SAXO4: variants seen among roughly 807,000 people sequenced by gnomAD.
SAXO4 encodes protein phosphatase 1 regulatory subunit 32.
At chr11:61,489,831 G>T in the SAXO4 span, 3 of 1,613,908 alleles carry the variant, frequency 1.9e-6, no homozygotes, top group Non-Finnish European at 2.5e-6. Context: ...CTGGACTCGA[G>T]GTGGCATCCA....
the SAXO4 span, among the ~76,000 whole-genome samples, chr11:61,487,988 C>T: frequency 7.5e-6 from 1 of 133,254 alleles, no homozygotes; most frequent in African/African-American, 3.1e-5. Context: ...TCTTCTTCTT[C>T]TTTTTTTTTT....
the SAXO4 span, chr11:61,489,798 C>A: frequency 6.2e-7 from 1 of 1,613,852 alleles, no homozygotes; most frequent in African/African-American, 1.3e-5. Flanking sequence ...TGAGAACATC[C>A]CCAAGGGTCT....
the SAXO4 span, among the ~76,000 whole-genome samples, chr11:61,488,545 C>G: frequency 2.6e-4 from 39 of 152,142 alleles, no homozygotes; most frequent in Non-Finnish European, 7.3e-5. Flanking sequence ...ACCTCGTGAT[C>G]TGCCCGCCTC....
the SAXO4 span, chr11:61,485,941 T>G: frequency 6.6e-7 from 1 of 1,504,900 alleles, no homozygotes; most frequent in Non-Finnish European, 9.2e-7. Context: ...GCTAGAACTT[T>G]AGGGGGCTTG....
the SAXO4 span, among the ~76,000 whole-genome samples, chr11:61,483,393 C>T: frequency 6.6e-6 from 1 of 151,894 alleles, no homozygotes; most frequent in Non-Finnish European, 1.5e-5. Context: ...GTCTCAATCT[C>T]CTGACCTCGT....
At chr11:61,488,367 C>A in the SAXO4 span, among the ~76,000 whole-genome samples, 1 of 142,562 alleles carries the variant, frequency 7.0e-6, no homozygotes, top group Non-Finnish European at 1.5e-5. Flanking sequence ...TGCAGTGGTG[C>A]GATCTCGGCT....
the SAXO4 span, chr11:61,489,739 G>A: frequency 2.5e-6 from 4 of 1,607,574 alleles, no homozygotes; most frequent in Admixed American, 6.7e-5. Context: ...TGCAGAGGTG[G>A]GCAGAGTCCA....
chr11:61,483,732 C>T, the SAXO4 span, among the ~76,000 whole-genome samples: 10 of 150,278 alleles, frequency 6.7e-5, no homozygotes, highest in Middle Eastern at 3.8e-3. Context: ...CTGAAGCAGG[C>T]AGATCACTTG....
At chr11:61,488,301 CTTTT>C in the SAXO4 span, among the ~76,000 whole-genome samples, 1 of 107,408 alleles carries the variant, frequency 9.3e-6, no homozygotes. Flanking sequence ...AGTACAATTC[CTTTT>C]TTTTTTTTTT....
the SAXO4 span, among the ~76,000 whole-genome samples, chr11:61,488,217 C>T: frequency 6.6e-6 from 1 of 151,698 alleles, no homozygotes. Context: ...GAACTCCTGA[C>T]CTCAAGTGAT....
At chr11:61,485,598 G>A in the SAXO4 span, among the ~76,000 whole-genome samples, 12 of 152,132 alleles carry the variant, frequency 7.9e-5, no homozygotes, top group Admixed American at 5.9e-4. Context: ...TGGCTTGGCC[G>A]GTGCATGCCC....
At chr11:61,485,105 G>T in the SAXO4 span, among the ~76,000 whole-genome samples, 1 of 152,148 alleles carries the variant, frequency 6.6e-6, no homozygotes, top group Non-Finnish European at 1.5e-5. Flanking sequence ...TCATTACCAG[G>T]AGTCTGGTGT....
the SAXO4 span, chr11:61,486,279 G>A: frequency 6.4e-7 from 1 of 1,567,638 alleles, no homozygotes. Context: ...GGCAGAGTGG[G>A]TGGGAGCCAC....
the SAXO4 span, chr11:61,484,537 TC>T: frequency 0.014 from 14,732 of 1,034,120 alleles, 1,147 homozygotes; most frequent in African/African-American, 0.18. Context: ...GCTGCAGGGC[TC>T]TAAGCAGAGA....
At chr11:61,481,705 T>TC in the SAXO4 span, 5,797 of 582,082 alleles carry the variant, frequency 1.0e-2, 48 homozygotes, top group Non-Finnish European at 0.013. Context: ...TTGTGGGTGG[T>TC]GGGGGGCAGA....
chr11:61,490,856 C>T, the SAXO4 span: 1 of 516,478 alleles, frequency 1.9e-6, no homozygotes, highest in Non-Finnish European at 3.5e-6. Context: ...ACTGTCTGTA[C>T]CCCCACTCCA....
chr11:61,482,656 G>C, the SAXO4 span: 9 of 1,613,828 alleles, frequency 5.6e-6, no homozygotes, highest in South Asian at 3.3e-5. Context: ...CACCCTCAGG[G>C]AACAAGCCCA....
At chr11:61,486,475 G>C in the SAXO4 span, 45 of 1,612,236 alleles carry the variant, frequency 2.8e-5, no homozygotes, top group Non-Finnish European at 3.6e-5. Flanking sequence ...GGAAGGTGGT[G>C]GGGGAGGCAG....
the SAXO4 span, chr11:61,490,877 GAAC>G: frequency 2.1e-6 from 1 of 468,550 alleles, no homozygotes; most frequent in East Asian, 3.8e-5. Flanking sequence ...TCCCCCAGGG[GAAC>G]ACCCCTGCCC....
Sources: gnomAD v4.1 joint callset for allele counts (sites outside exome capture counted in the v4.1 genomes callset) on GRCh38, gnomAD v4.1.1 for gene constraint, MANE v1.5 for transcripts, NCBI Gene and HGNC (gene_info 2026-07-23, HGNC 2026-07-21) for gene names.